Variants in CTNNA2 observed in about 807,000 individuals in gnomAD.
CTNNA2 encodes the protein catenin alpha 2.
Under a neutral mutation model 101.0 loss-of-function variants are expected in CTNNA2, and 42 were observed. That is an observed-to-expected ratio of 0.42 (90% CI 0.32 to 0.54). The LOEUF (loss-of-function observed/expected upper bound fraction) is 0.54. CTNNA2 is among the 20% of genes least tolerant of loss of function. The pLI is 0.14. For missense variants in CTNNA2, 871 were observed against 1,223.1 expected (o/e 0.71, Z 4.29); for synonymous variants, 450 against 456.4 (o/e 0.99, Z 0.18).
chr2:79,449,324 C>T (rs1678865258), intron 4 of CTNNA2, among the ~76,000 whole-genome samples: 1 of 151,864 alleles, frequency 6.6e-6, no homozygotes, highest in Non-Finnish European at 1.5e-5. Context: ...CATTGTTATA[C>T]AGGTGGAATC....
intron 4 of CTNNA2, among the ~76,000 whole-genome samples, chr2:79,377,117 T>C (rs1312228203): frequency 2.0e-5 from 3 of 151,664 alleles, no homozygotes; most frequent in Non-Finnish European, 4.4e-5. Context: ...GTAAAAGTGT[T>C]CCTATTTCTC....
chr2:79,412,021 A>G (rs1284934785), intron 4 of CTNNA2, among the ~76,000 whole-genome samples: 1 of 152,142 alleles, frequency 6.6e-6, no homozygotes, highest in Non-Finnish European at 1.5e-5. Context: ...CAAGACACAC[A>G]TAGGCTCAAA....
chr2:80,433,444 C>G (rs2149429831), intron 9 of CTNNA2, among the ~76,000 whole-genome samples: 1 of 152,094 alleles, frequency 6.6e-6, no homozygotes, highest in South Asian at 2.1e-4. Context: ...TAAAGCGGGC[C>G]CCATTCTTGC....
chr2:80,646,168 A>G (rs374800343), intron 18 of CTNNA2, among the ~76,000 whole-genome samples: 2 of 152,222 alleles, frequency 1.3e-5, no homozygotes, highest in African/African-American at 4.8e-5. Flanking sequence ...GAACCATAAG[A>G]TCTACAGTCT....
At chr2:80,368,704 G>A (rs1232979757) in intron 7 of CTNNA2, among the ~76,000 whole-genome samples, 1 of 150,952 alleles carries the variant, frequency 6.6e-6, no homozygotes, top group East Asian at 1.9e-4. Flanking sequence ...AAATTTAGGG[G>A]CATATTCTAA....
In CTNNA2 at chr2:80,303,883, A is replaced by G; in HGVS notation, c.1057-89328A>G. ...TGGAAGCGCTCGGTCAGAAATCTAC[A>G]TCATATTTTATTCCGAGGGAGGGGA... On this transcript the variant is annotated intron_variant, in intron 7 of 18. Coordinates refer to ENST00000402739, the MANE Select transcript of CTNNA2 (RefSeq NM_001282597.3). This position sits in a 1 kb window ranked among gnomAD's most constrained non-coding sequence, Gnocchi z 7.7. The G allele has an allele frequency of 6.9e-7, 1 of 1,459,738 alleles. No individual in the cohort carries two copies. The highest frequency in any genetic ancestry group is 9.1e-7 in the Non-Finnish European group (1 of 1,103,732). The allele number at this position is 1,459,738 out of a possible 1,614,324, so 90.4% of individuals were successfully genotyped here.
intron 7 of CTNNA2, among the ~76,000 whole-genome samples, chr2:80,271,086 T>C (rs1673429774): frequency 6.6e-6 from 1 of 152,214 alleles, no homozygotes. Context: ...CTCTAGCAGA[T>C]GTGGACTATT....
At chr2:79,900,472 G>A (rs2104275747) in intron 6 of CTNNA2, among the ~76,000 whole-genome samples, 1 of 152,254 alleles carries the variant, frequency 6.6e-6, no homozygotes, top group Non-Finnish European at 1.5e-5. Context: ...TAGACACTTG[G>A]TAATGGGTCA....
chr2:80,339,434 A>C (rs1467024373), intron 7 of CTNNA2, among the ~76,000 whole-genome samples: 2 of 152,042 alleles, frequency 1.3e-5, no homozygotes, highest in Admixed American at 1.3e-4. Flanking sequence ...ATTTTTATAA[A>C]CTCAATGTTA....
At chr2:79,743,926 G>T (rs1427585355) in intron 2 of CTNNA2, among the ~76,000 whole-genome samples, 1 of 152,126 alleles carries the variant, frequency 6.6e-6, no homozygotes, top group Admixed American at 6.6e-5. Flanking sequence ...CCGGGTGTTG[G>T]CTACTCATTA....
chr2:79,634,125 G>T (rs567097258), intron 1 of CTNNA2, among the ~76,000 whole-genome samples: 1 of 152,282 alleles, frequency 6.6e-6, no homozygotes, highest in South Asian at 2.1e-4. Context: ...GAATAATTTT[G>T]GTGGCTGAGA....
rs546030691 is a variant in CTNNA2 at position 80,273,897 on chromosome 2, A to G, written c.1057-119314A>G. 2.0e-5 allele frequency among the ~76,000 whole-genome samples: 3 copies of G among 151,602 alleles called. No homozygotes were observed. In the South Asian group the frequency reaches 6.2e-4, roughly 32 times the overall value. On this transcript the variant is annotated intron_variant, in intron 7 of 18. Coordinates refer to ENST00000402739, the MANE Select transcript of CTNNA2 (RefSeq NM_001282597.3). ...TTTCCCCTGTTTATCTTGTTATTGC[A>G]TTTCTCTCCCACTAGAATGAAAGCT...
intron 2 of CTNNA2, among the ~76,000 whole-genome samples, chr2:79,669,033 A>G (rs1682642092): frequency 6.6e-6 from 1 of 152,074 alleles, no homozygotes; most frequent in African/African-American, 2.4e-5. Context: ...ATGGTATCTC[A>G]CGTGGAGATC....
chr2:79,494,072 T>A (rs1312350119), intron 4 of CTNNA2, among the ~76,000 whole-genome samples: 3 of 152,080 alleles, frequency 2.0e-5, no homozygotes, highest in African/African-American at 7.2e-5. Flanking sequence ...AAAACTGATT[T>A]ATAATATAAT....
intron 2 of CTNNA2, among the ~76,000 whole-genome samples, chr2:79,290,998 C>T (rs1675791158): frequency 6.6e-6 from 1 of 152,186 alleles, no homozygotes. Context: ...TGTAAACATT[C>T]ACCCCTAGAT....
At chr2:79,823,566 T>C (rs1255743967) in intron 3 of CTNNA2, among the ~76,000 whole-genome samples, 4 of 152,078 alleles carry the variant, frequency 2.6e-5, no homozygotes, top group Admixed American at 2.6e-4. Context: ...ACCCATCACA[T>C]GGACTACATG....
At chr2:79,760,998 A>G (rs1051803713) in intron 3 of CTNNA2, among the ~76,000 whole-genome samples, 1 of 152,202 alleles carries the variant, frequency 6.6e-6, no homozygotes, top group African/African-American at 2.4e-5. Flanking sequence ...CACAATTTGT[A>G]TTTGCCAAAT....
chr2:79,381,304 AAC>A (rs1678036764), intron 4 of CTNNA2, among the ~76,000 whole-genome samples: 1 of 152,054 alleles, frequency 6.6e-6, no homozygotes, highest in East Asian at 1.9e-4. Context: ...ATAATAGAAA[AAC>A]CCCCAAAAGT....
chr2:79,709,078 A>G (rs1308525696), intron 2 of CTNNA2, among the ~76,000 whole-genome samples: 1 of 152,190 alleles, frequency 6.6e-6, no homozygotes, highest in Non-Finnish European at 1.5e-5. Context: ...AGATAAATGT[A>G]TATCCTATAC....
Sources: gnomAD v4.1 joint callset for allele counts (sites outside exome capture counted in the v4.1 genomes callset) on GRCh38, gnomAD v4.1.1 for gene constraint, Gnocchi (gnomAD v3.1) non-coding constraint, MANE v1.5 for transcripts, NCBI Gene and HGNC (gene_info 2026-07-23, HGNC 2026-07-21) for gene names.